The following DNAJC8 variants were observed in gnomAD, a reference collection of about 807,000 sequenced individuals.
DNAJC8 encodes the protein DnaJ heat shock protein family (Hsp40) member C8, also known as dnaJ homolog subfamily C member 8.
A neutral mutation model predicts 43.2 loss-of-function variants in DNAJC8; 24 were observed. The ratio of observed to expected loss-of-function variants is 0.56; its 90% confidence interval spans 0.40 to 0.78. The LOEUF (loss-of-function observed/expected upper bound fraction) is 0.78, where lower values mean the gene tolerates loss of function less well. Ranked by LOEUF, DNAJC8 falls within the 30% of genes least tolerant of loss-of-function variation. The pLI, the probability that DNAJC8 is intolerant of heterozygous loss-of-function variation, is 0.00. For missense variants in DNAJC8, 207 were observed against 299.4 expected (o/e 0.69, Z 2.28); for synonymous variants, 83 against 98.0 (o/e 0.85, Z 0.90).
chr1:28,219,033 C>CA (rs1289041502), intron 2 of DNAJC8, among the ~76,000 whole-genome samples: 5 of 151,770 alleles, frequency 3.3e-5, no homozygotes, highest in African/African-American at 7.3e-5. Flanking sequence ...CCCACCCTCA[C>CA]AAAAAAAGCC....
At chr1:28,222,485 C>CAAAAA (rs35878807) in intron 2 of DNAJC8, among the ~76,000 whole-genome samples, 8 of 44,546 alleles carry the variant, frequency 1.8e-4, no homozygotes, top group South Asian at 7.9e-4. Context: ...GACTCCATCT[C>CAAAAA]AAAAAAAAAA....
At chr1:28,211,558 A>C (rs971649437) in intron 3 of DNAJC8, among the ~76,000 whole-genome samples, 2 of 152,194 alleles carry the variant, frequency 1.3e-5, no homozygotes, top group Non-Finnish European at 2.9e-5. Context: ...AAGAACTCCT[A>C]ATCTAAAGCA....
At chr1:28,225,406 A>G (rs1371770709) in intron 2 of DNAJC8, among the ~76,000 whole-genome samples, 1 of 151,444 alleles carries the variant, frequency 6.6e-6, no homozygotes, top group Non-Finnish European at 1.5e-5. Flanking sequence ...CTCTTCAAAA[A>G]ACAGAAAACA....
At chr1:28,210,498 G>T in intron 4 of DNAJC8, 73 bp downstream of exon 4, 1 of 1,349,722 alleles carries the variant, frequency 7.4e-7, no homozygotes, top group South Asian at 1.2e-5. Context: ...GTCTTTGCTT[G>T]ATCTAGGACA....
chr1:28,211,400 C>T (rs1314158395), intron 3 of DNAJC8, among the ~76,000 whole-genome samples: 1 of 152,176 alleles, frequency 6.6e-6, no homozygotes, highest in African/African-American at 2.4e-5. Flanking sequence ...GGATGCTCGA[C>T]CATTATGCAT....
At chr1:28,210,511 G>A (rs1646803481) in intron 4 of DNAJC8, 60 bp downstream of exon 4, 3 of 1,439,346 alleles carry the variant, frequency 2.1e-6, no homozygotes, top group Non-Finnish European at 2.9e-6. Context: ...CTAGGACAAG[G>A]AACAGTTAGG....
chr1:28,225,577 A>G (rs1245374769), intron 2 of DNAJC8, among the ~76,000 whole-genome samples: 1 of 151,168 alleles, frequency 6.6e-6, no homozygotes, highest in African/African-American at 2.4e-5. Flanking sequence ...GTTACTGTTT[A>G]GTGGATACAG....
rs530698620 is a variant in DNAJC8 at position 28,207,247 on chromosome 1, G to A, written c.471+1095C>T. ...ACAAAAATTAGCCAGGCTTGATGGCGGGCATCTGTAATCCCAGCTACTCAG... is the reference window on the plus strand; with the variant it reads ...ACAAAAATTAGCCAGGCTTGATGGCAGGCATCTGTAATCCCAGCTACTCAG... On this transcript the variant is annotated intron_variant, in intron 6 of 8. Coordinates refer to ENST00000263697, the MANE Select transcript of DNAJC8 (RefSeq NM_014280.3). Among the ~76,000 whole-genome samples the A allele has an allele frequency of 2.5e-3, 387 of 151,810 alleles. 1 individual carries two copies. The highest frequency in any genetic ancestry group is 8.8e-3 in the African/African-American group (364 of 41,432).
chr1:28,218,181 C>T (rs1242782010), intron 2 of DNAJC8, among the ~76,000 whole-genome samples: 2 of 150,772 alleles, frequency 1.3e-5, no homozygotes, highest in Admixed American at 6.6e-5. Flanking sequence ...CTGCAACCTC[C>T]GCCTCTGGGA....
At chr1:28,203,887 G>T in intron 7 of DNAJC8, 65 bp from the exon 8 acceptor site, 1 of 1,508,938 alleles carries the variant, frequency 6.6e-7, no homozygotes, top group Admixed American at 1.7e-5. Flanking sequence ...CATACAAGGT[G>T]GCATCTCCCC....
chr1:28,225,601 G>T lies in DNAJC8; in HGVS notation c.180+3321C>A, dbSNP rs141104134. On this transcript the variant is annotated intron_variant, in intron 2 of 8. Transcript: ENST00000263697. Reference sequence around the variant, plus strand: ...TAGTGGATACAGAGTTTCTGGTTGGGGTGACGAAAAATTTCTGAATATGAA... The same window carrying T: ...TAGTGGATACAGAGTTTCTGGTTGGTGTGACGAAAAATTTCTGAATATGAA... 5.8e-4 allele frequency among the ~76,000 whole-genome samples: 88 copies of T among 150,858 alleles called. 3 individuals carry two copies. Among genetic ancestry groups the T allele is most frequent in the African/African-American group, 2.0e-3 (83 of 41,088 alleles).
In DNAJC8 at chr1:28,200,528, G is replaced by A. The variant is rs575134603; in HGVS notation, c.*720C>T. The A allele has an allele frequency of 1.1e-5, 5 of 456,538 alleles. No homozygotes were observed. The highest frequency in any genetic ancestry group is 7.7e-5 in the South Asian group (5 of 64,560). 28.3% of individuals were successfully genotyped at this position (456,538 alleles called of 1,614,324 possible). ...CAAGCCAGACAAGGGACCCACAAGG[G>A]AGAGTACAAGGAAAAGTACATCAAT... On this transcript the variant is annotated 3_prime_UTR_variant, in exon 9 of 9. Coordinates refer to ENST00000263697, the MANE Select transcript of DNAJC8 (RefSeq NM_014280.3).
intron 7 of DNAJC8, among the ~76,000 whole-genome samples, chr1:28,204,494 G>C (rs559997652): frequency 6.6e-6 from 1 of 151,280 alleles, no homozygotes; most frequent in Non-Finnish European, 1.5e-5. Context: ...CCAAGATCAT[G>C]CCATTGCACT....
In DNAJC8 at chr1:28,227,189, G is replaced by A. The variant is rs192125478; in HGVS notation, c.180+1733C>T. 4.9e-3 allele frequency among the ~76,000 whole-genome samples: 678 copies of A among 137,838 alleles called. 11 individuals carry two copies. The highest frequency in any genetic ancestry group is 0.016 in the African/African-American group (588 of 36,704). 90.4% of individuals were successfully genotyped at this position (137,838 alleles called of 152,430 possible). ...TTTGGGAGGCCGCGACAGGTGGATC[G>A]CCTGAGCTCAGGAGTTCGAGACCAA... On this transcript the variant is annotated intron_variant, in intron 2 of 8. Coordinates refer to ENST00000263697, the MANE Select transcript of DNAJC8 (RefSeq NM_014280.3).
chr1:28,216,338 T>C (rs1646854622), intron 2 of DNAJC8, among the ~76,000 whole-genome samples: 1 of 152,166 alleles, frequency 6.6e-6, no homozygotes, highest in Non-Finnish European at 1.5e-5. Flanking sequence ...GACGAGGGAC[T>C]GTAACTGTAC....
chr1:28,216,284 G>A (rs1646854137), intron 2 of DNAJC8, among the ~76,000 whole-genome samples: 1 of 152,152 alleles, frequency 6.6e-6, no homozygotes, highest in Admixed American at 6.5e-5. Context: ...AAAGGAACTG[G>A]GAAAGTCACT....
At chr1:28,219,501 T>A (rs573398227) in intron 2 of DNAJC8, among the ~76,000 whole-genome samples, 1 of 152,238 alleles carries the variant, frequency 6.6e-6, no homozygotes, top group African/African-American at 2.4e-5. Context: ...AGAGTGAGAC[T>A]CTGTCTCAAT....
chr1:28,211,025 T>C (rs1435749534), intron 3 of DNAJC8, among the ~76,000 whole-genome samples: 1 of 152,074 alleles, frequency 6.6e-6, no homozygotes, highest in African/African-American at 2.4e-5. Flanking sequence ...AATTTTTTAA[T>C]TACCCAGACA....
chr1:28,207,428 ATGTT>A (rs1488245978), intron 6 of DNAJC8, among the ~76,000 whole-genome samples: 1 of 144,608 alleles, frequency 6.9e-6, no homozygotes, highest in East Asian at 2.0e-4. Context: ...TTCAAATAAA[ATGTT>A]TGTTGTTGTT....
Sources: gnomAD v4.1 joint callset for allele counts (sites outside exome capture counted in the v4.1 genomes callset) on GRCh38, gnomAD v4.1.1 for gene constraint, MANE v1.5 for transcripts, NCBI Gene and HGNC (gene_info 2026-07-23, HGNC 2026-07-21) for gene names.